Variants in CLDN10 observed in about 807,000 individuals in gnomAD.
The protein encoded by CLDN10 is claudin-10.
A neutral mutation model predicts 22.9 loss-of-function variants in CLDN10; 15 were observed. The observed-to-expected ratio is 0.65, with a 90% confidence interval of 0.44 to 1.01. The LOEUF is 1.01. Ranked by LOEUF, CLDN10 falls within the 50% of genes least tolerant of loss-of-function variation. The probability of loss-of-function intolerance (pLI) is 0.00; values close to 1 mark genes in which losing one functional copy is unlikely to be tolerated. For missense variants in CLDN10, 247 were observed against 287.8 expected, an observed-to-expected ratio of 0.86 and a Z score of 1.03; for synonymous variants, 114 against 111.4, an observed-to-expected ratio of 1.02 and a Z score of -0.15.
chr13:95,482,202 C>T (rs4564446), intron 1 of CLDN10, among the ~76,000 whole-genome samples: 90,337 of 152,078 alleles, frequency 0.59, 28,064 homozygotes, highest in African/African-American at 0.79. Context: ...TAAATATATA[C>T]ACCTACTATG....
chr13:95,568,002 CA>C (rs1187102636), intron 3 of CLDN10, among the ~76,000 whole-genome samples: 2 of 152,156 alleles, frequency 1.3e-5, no homozygotes, highest in Admixed American at 6.5e-5. Context: ...GGACACTAGA[CA>C]ATGTAAGAAG....
chr13:95,537,989 C>A (rs1026692665), intron 1 of CLDN10, among the ~76,000 whole-genome samples: 1 of 152,146 alleles, frequency 6.6e-6, no homozygotes, highest in Non-Finnish European at 1.5e-5. Context: ...AGGGCAAATG[C>A]AGAGCTAAAT....
intron 1 of CLDN10, among the ~76,000 whole-genome samples, chr13:95,555,056 T>TTG (rs1566334484): frequency 5.5e-4 from 80 of 144,942 alleles, no homozygotes; most frequent in East Asian, 4.5e-3. Flanking sequence ...AGTTTTTTTT[T>TTG]TTTTTTTTTT....
chr13:95,567,460 C>T (rs928800489), intron 3 of CLDN10, among the ~76,000 whole-genome samples: 1 of 152,110 alleles, frequency 6.6e-6, no homozygotes, highest in Non-Finnish European at 1.5e-5. Context: ...GTGATTTTTG[C>T]ACATTGATTT....
intron 1 of CLDN10, among the ~76,000 whole-genome samples, chr13:95,543,435 G>A (rs184163655): frequency 2.0e-5 from 3 of 152,226 alleles, no homozygotes; most frequent in Admixed American, 2.0e-4. Flanking sequence ...GAAGTAATTG[G>A]CTGTTAGGAA....
intron 1 of CLDN10, among the ~76,000 whole-genome samples, chr13:95,558,323 C>T (rs1207927047): frequency 2.0e-5 from 3 of 152,186 alleles, no homozygotes; most frequent in Admixed American, 6.6e-5. Context: ...GTTTAAAATA[C>T]AGCTGGTTCA....
Position 95,552,722 on chromosome 13 carries a change from G to C in CLDN10, c.-32G>C, listed in dbSNP as rs1297565224. Reference sequence around the variant, plus strand: ...GCGGGGGTCGCGGCGCAGAGTGGGAGCCGGAGAGCGAGCGCGGCTGCAGCC... The same window carrying C: ...GCGGGGGTCGCGGCGCAGAGTGGGACCCGGAGAGCGAGCGCGGCTGCAGCC... On this transcript the variant is annotated 5_prime_UTR_variant, in exon 1 of 5. Transcript: ENST00000299339. 1 of 1,591,106 alleles carries C rather than the reference G, an allele frequency of 6.3e-7. No homozygotes were observed.
chr13:95,513,318 C>A (rs2043125772), intron 1 of CLDN10, among the ~76,000 whole-genome samples: 2 of 152,186 alleles, frequency 1.3e-5, no homozygotes, highest in Admixed American at 6.6e-5. Flanking sequence ...GGGCAGGAGG[C>A]ACTGTGATGA....
chr13:95,480,976 C>T (rs2042740969), intron 1 of CLDN10, among the ~76,000 whole-genome samples: 1 of 152,218 alleles, frequency 6.6e-6, no homozygotes, highest in Non-Finnish European at 1.5e-5. Flanking sequence ...CCATCCTTCC[C>T]CTTTGTCTTC....
intron 1 of CLDN10, among the ~76,000 whole-genome samples, chr13:95,529,022 G>T (rs888373663): frequency 6.6e-6 from 1 of 152,048 alleles, no homozygotes; most frequent in African/African-American, 2.4e-5. Context: ...AACAAAGCTG[G>T]GAACAATGTT....
chr13:95,565,975 A>G (rs548476526), intron 3 of CLDN10, among the ~76,000 whole-genome samples: 4 of 152,264 alleles, frequency 2.6e-5, no homozygotes, highest in Admixed American at 2.0e-4. Context: ...TTATGGCTGC[A>G]TAGTATTCCA....
intron 1 of CLDN10, among the ~76,000 whole-genome samples, chr13:95,437,139 C>T (rs2042280193): frequency 6.6e-6 from 1 of 152,022 alleles, no homozygotes; most frequent in Non-Finnish European, 1.5e-5. Flanking sequence ...CCAGTGTAGC[C>T]ACAGCTTTTT....
chr13:95,566,556 T>TA (rs1184819498), intron 3 of CLDN10, among the ~76,000 whole-genome samples: 50 of 152,364 alleles, frequency 3.3e-4, no homozygotes, highest in Admixed American at 3.2e-3. Context: ...AAAAATTTTC[T>TA]CCCATTCTGT....
intron 1 of CLDN10, among the ~76,000 whole-genome samples, chr13:95,452,576 A>G (rs931806560): frequency 6.6e-6 from 1 of 152,184 alleles, no homozygotes; most frequent in African/African-American, 2.4e-5. Context: ...GGATTCAGAA[A>G]AGTGACTGGG....
At chr13:95,571,725 TTAATA>T (rs2043864521) in intron 3 of CLDN10, among the ~76,000 whole-genome samples, 1 of 152,190 alleles carries the variant, frequency 6.6e-6, no homozygotes, top group South Asian at 2.1e-4. Context: ...TAGATTATAT[TTAATA>T]TAAGACAATG....
At chr13:95,491,192 T>C (rs4277222) in intron 1 of CLDN10, among the ~76,000 whole-genome samples, 72,916 of 151,676 alleles carry the variant, frequency 0.48, 17,960 homozygotes, top group Non-Finnish European at 0.53. Context: ...AGTTGGTTGG[T>C]GAGTTCTTAT....
At chr13:95,469,893 C>G (rs2042614341) in intron 1 of CLDN10, among the ~76,000 whole-genome samples, 1 of 152,154 alleles carries the variant, frequency 6.6e-6, no homozygotes, top group African/African-American at 2.4e-5. Flanking sequence ...GAATATGTAT[C>G]TGGTATGATC....
At position 95,578,609 on chromosome 13, in the gene CLDN10, C is replaced by T. The variant is rs1219769697; in HGVS notation, c.*595C>T. ...CTACAGGATCAGAGAGGATCTTGCTCATTCATGGCCATATCCACATGCCCA... is the reference window on the plus strand; with the variant it reads ...CTACAGGATCAGAGAGGATCTTGCTTATTCATGGCCATATCCACATGCCCA... On this transcript the variant is annotated 3_prime_UTR_variant, in exon 5 of 5. Transcript: ENST00000299339. 6.6e-6 allele frequency: 1 copy of T among 152,176 alleles called. No individual in the cohort carries two copies. Among genetic ancestry groups the T allele is most frequent in the African/African-American group, 2.4e-5 (1 of 41,428 alleles). 9.4% of individuals were successfully genotyped at this position (152,176 alleles called of 1,614,324 possible).
At chr13:95,545,048 G>A (rs1039554343) in intron 1 of CLDN10, among the ~76,000 whole-genome samples, 1 of 151,820 alleles carries the variant, frequency 6.6e-6, no homozygotes, top group Non-Finnish European at 1.5e-5. Flanking sequence ...AAAGGGCTAG[G>A]GTTGCAGGTG....
Sources: allele counts gnomAD v4.1 joint callset (sites outside exome capture counted in the v4.1 genomes callset), GRCh38; gene constraint gnomAD v4.1.1; transcripts MANE v1.5; gene names NCBI Gene and HGNC (gene_info 2026-07-23, HGNC 2026-07-21).